ZFPM2: variants seen among roughly 807,000 people sequenced by gnomAD.
ZFPM2 encodes zinc finger protein ZFPM2.
A neutral mutation model predicts 98.6 loss-of-function variants in ZFPM2; 20 were observed. The ratio of observed to expected loss-of-function variants is 0.20; its 90% confidence interval spans 0.14 to 0.29. ZFPM2 has a LOEUF of 0.29. ZFPM2 is among the 10% of genes least tolerant of loss of function. ZFPM2 has a pLI of 1.00. For missense variants in ZFPM2, 1,310 were observed against 1,388.6 expected, an observed-to-expected ratio of 0.94 and a Z score of 0.90; for synonymous variants, 518 against 502.7, an observed-to-expected ratio of 1.03 and a Z score of -0.41.
At chr8:105,561,330 G>A (rs747116973) in intron 3 of ZFPM2, 33 bp from the exon 4 acceptor site, 2 of 1,545,900 alleles carry the variant, frequency 1.3e-6, no homozygotes, top group South Asian at 2.3e-5. Flanking sequence ...GTACAAGTAA[G>A]TATTCTAAAC....
intron 5 of ZFPM2, among the ~76,000 whole-genome samples, chr8:105,708,456 G>A (rs1007308293): frequency 2.6e-5 from 4 of 151,670 alleles, no homozygotes; most frequent in African/African-American, 9.7e-5. Context: ...TGTTTGTTTT[G>A]TCTCCCTCCA....
intron 4 of ZFPM2, among the ~76,000 whole-genome samples, chr8:105,586,268 T>C (rs1162457540): frequency 6.6e-6 from 1 of 152,190 alleles, no homozygotes; most frequent in Non-Finnish European, 1.5e-5. Context: ...TGTTTTACTT[T>C]GTTTTGTTTC....
chr8:105,326,334 A>T (rs1450366531), intron 1 of ZFPM2, among the ~76,000 whole-genome samples: 17 of 151,652 alleles, frequency 1.1e-4, no homozygotes, highest in Non-Finnish European at 5.9e-5. Flanking sequence ...TTAGTCTTTT[A>T]AAAAAAAGTT....
chr8:105,551,047 G>A (rs1235646469), intron 3 of ZFPM2, among the ~76,000 whole-genome samples: 1 of 152,122 alleles, frequency 6.6e-6, no homozygotes, highest in East Asian at 1.9e-4. Flanking sequence ...TTTCTGAAAT[G>A]AATAATATTT....
rs528289706 is a variant in ZFPM2 at position 105,591,249 on chromosome 8, GA to G, written c.420+29778del. On this transcript the variant is annotated intron_variant, in intron 4 of 7. Transcript: ENST00000407775. ...TTTTCAGAACTTCTTAGAATTATTT[GA>G]AAAAAAAAAGCAACAACAACAACAA... Among the ~76,000 whole-genome samples, 108 of 143,482 alleles carry G rather than the reference GA, an allele frequency of 7.5e-4. 1 individual carries two copies. The highest frequency in any genetic ancestry group is 3.7e-3 in the Middle Eastern group (1 of 270). 94.1% of individuals were successfully genotyped at this position (143,482 alleles called of 152,430 possible). A position where few individuals can be genotyped will look rare whatever the true frequency, so the allele number is the denominator to read the frequency against.
At chr8:105,777,179 T>A (rs1813122792) in intron 5 of ZFPM2, among the ~76,000 whole-genome samples, 1 of 152,148 alleles carries the variant, frequency 6.6e-6, no homozygotes, top group South Asian at 2.1e-4. Context: ...AGTATTTAGG[T>A]CCCAATTTTC....
intron 3 of ZFPM2, among the ~76,000 whole-genome samples, chr8:105,446,045 C>G (rs1192900488): frequency 6.6e-6 from 1 of 152,046 alleles, no homozygotes. Context: ...CTCAGCCTCC[C>G]AAGTAGCTGG....
chr8:105,419,099 C>A (rs1349107303), intron 1 of ZFPM2, 45 bp from the exon 2 acceptor site: 1 of 1,586,248 alleles, frequency 6.3e-7, no homozygotes, highest in Non-Finnish European at 8.6e-7. Flanking sequence ...ATTTCACTGT[C>A]TTCCTTGCAT....
rs1810668312 is a variant in ZFPM2, at chr8:105,373,735, A to C, written c.41-45409A>C. On this transcript the variant is annotated intron_variant, in intron 1 of 7. Transcript: ENST00000407775. Reference sequence around the variant, plus strand: ...CTAAATAAATGAGATAAAAACAATAAAGAAAAATGGAAACTATGTTTTTTT... The same window carrying C: ...CTAAATAAATGAGATAAAAACAATACAGAAAAATGGAAACTATGTTTTTTT... Among the ~76,000 whole-genome samples the C allele has an allele frequency of 2.0e-5, 3 of 152,210 alleles. No individual in the cohort carries two copies. In the South Asian group the frequency reaches 6.2e-4, roughly 31 times the overall value.
intron 5 of ZFPM2, among the ~76,000 whole-genome samples, chr8:105,753,870 T>C (rs1018443868): frequency 1.7e-4 from 26 of 152,164 alleles, no homozygotes; most frequent in Admixed American, 1.7e-3. Flanking sequence ...TAAGTGAGGA[T>C]TGAATTTTGT....
At chr8:105,621,671 A>G (rs771681028) in intron 4 of ZFPM2, among the ~76,000 whole-genome samples, 1 of 152,148 alleles carries the variant, frequency 6.6e-6, no homozygotes, top group Non-Finnish European at 1.5e-5. Flanking sequence ...TTGACAATCT[A>G]TGTATATGCC....
At chr8:105,762,775 G>T (rs904043392) in intron 5 of ZFPM2, among the ~76,000 whole-genome samples, 1 of 151,688 alleles carries the variant, frequency 6.6e-6, no homozygotes, top group African/African-American at 2.4e-5. Context: ...CCAGATTTTG[G>T]ATATAAACAA....
intron 4 of ZFPM2, among the ~76,000 whole-genome samples, chr8:105,572,873 C>T (rs1393113211): frequency 3.3e-5 from 5 of 152,172 alleles, no homozygotes; most frequent in Non-Finnish European, 2.9e-5. Context: ...ATAATTTCAG[C>T]GTCTTCTGTG....
intron 1 of ZFPM2, among the ~76,000 whole-genome samples, chr8:105,326,711 A>G (rs1015674614): frequency 2.0e-5 from 3 of 151,628 alleles, no homozygotes; most frequent in African/African-American, 7.2e-5. Context: ...ATGTGCCACT[A>G]ACTGCTTAGT....
At chr8:105,661,316 A>G (rs1417679704) in intron 5 of ZFPM2, among the ~76,000 whole-genome samples, 1 of 152,148 alleles carries the variant, frequency 6.6e-6, no homozygotes, top group African/African-American at 2.4e-5. Flanking sequence ...GAGGTTTTTC[A>G]TGGATGTGGA....
At chr8:105,337,676 G>A (rs539231490) in intron 1 of ZFPM2, among the ~76,000 whole-genome samples, 33 of 151,424 alleles carry the variant, frequency 2.2e-4, no homozygotes, top group African/African-American at 7.0e-4. Flanking sequence ...GTCTTCTAAT[G>A]TATTAGAGCA....
intron 5 of ZFPM2, among the ~76,000 whole-genome samples, chr8:105,738,520 C>A (rs1235114416): frequency 6.6e-6 from 1 of 152,074 alleles, no homozygotes; most frequent in African/African-American, 2.4e-5. Flanking sequence ...AATTTATATT[C>A]TTTTGGGTAT....
intron 2 of ZFPM2, among the ~76,000 whole-genome samples, chr8:105,420,149 CTGTGTT>C (rs1371084272): frequency 6.6e-6 from 1 of 152,066 alleles, no homozygotes; most frequent in Non-Finnish European, 1.5e-5. Context: ...GTATGTCTGT[CTGTGTT>C]TGTGTATGCA....
chr8:105,487,702 G>C (rs574709484), intron 3 of ZFPM2, among the ~76,000 whole-genome samples: 1 of 151,368 alleles, frequency 6.6e-6, no homozygotes, highest in Admixed American at 6.6e-5. Context: ...GCACATAATA[G>C]GAATTAAAAA....
Sources: gnomAD v4.1 joint callset for allele counts (sites outside exome capture counted in the v4.1 genomes callset) on GRCh38, gnomAD v4.1.1 for gene constraint, MANE v1.5 for transcripts, NCBI Gene and HGNC (gene_info 2026-07-23, HGNC 2026-07-21) for gene names.